The following BCL7B variants were observed in gnomAD, a reference collection of about 807,000 sequenced individuals.
BCL7B encodes B-cell CLL/lymphoma 7 protein family member B.
Under a neutral mutation model 26.5 loss-of-function variants are expected in BCL7B, and 11 were observed. The observed-to-expected ratio is 0.42, with a 90% CI of 0.26 to 0.69. BCL7B has a LOEUF of 0.69. Among genes scored for constraint, BCL7B ranks in the 30% least tolerant of loss-of-function variants. The probability of loss-of-function intolerance (pLI) is 0.28; values close to 1 mark genes in which losing one functional copy is unlikely to be tolerated. For missense variants in BCL7B, 215 were observed against 264.4 expected (o/e 0.81, Z 1.30); for synonymous variants, 111 against 107.9 (o/e 1.03, Z -0.18).
intron 2 of BCL7B, among the ~76,000 whole-genome samples, chr7:73,549,529 G>C (rs782305470): frequency 1.3e-5 from 2 of 152,164 alleles, no homozygotes; most frequent in Non-Finnish European, 2.9e-5. Flanking sequence ...AGGAAAAAGC[G>C]TGGGTACGAT....
chr7:73,552,759 C>T (rs782410002), intron 1 of BCL7B, among the ~76,000 whole-genome samples: 1 of 151,298 alleles, frequency 6.6e-6, no homozygotes, highest in Non-Finnish European at 1.5e-5. Context: ...CCAGCCTGGG[C>T]AACAGAGACC....
intron 2 of BCL7B, among the ~76,000 whole-genome samples, chr7:73,549,129 A>C (rs1583996835): frequency 6.6e-6 from 1 of 152,178 alleles, no homozygotes; most frequent in East Asian, 1.9e-4. Context: ...GTTGATGTGG[A>C]TTCTGAACAA....
intron 3 of BCL7B, among the ~76,000 whole-genome samples, chr7:73,541,465 CTTTT>C (rs781916545): frequency 1.5e-5 from 2 of 136,534 alleles, no homozygotes; most frequent in South Asian, 2.3e-4. Flanking sequence ...ATACCCAGTA[CTTTT>C]TTTTTTTTTT....
chr7:73,544,583 G>A (rs1316513692), intron 2 of BCL7B, among the ~76,000 whole-genome samples: 10 of 152,044 alleles, frequency 6.6e-5, no homozygotes, highest in Non-Finnish European at 1.5e-4. Flanking sequence ...CCAAGATTCT[G>A]CCACTTCATA....
chr7:73,557,265 C>T, intron 1 of BCL7B: 1 of 1,125,520 alleles, frequency 8.9e-7, no homozygotes, highest in Non-Finnish European at 1.1e-6. Context: ...CGGCAGCAGC[C>T]GCAGCAGGTG....
chr7:73,543,414 G>C (rs569566255), intron 3 of BCL7B, 134 bp downstream of exon 3: 508 of 757,698 alleles, frequency 6.7e-4, no homozygotes, highest in Non-Finnish European at 1.1e-3. Context: ...CTGACCTCAG[G>C]TGATCTGCCC....
intron 2 of BCL7B, among the ~76,000 whole-genome samples, chr7:73,546,893 G>A (rs1268555561): frequency 2.6e-5 from 4 of 152,206 alleles, no homozygotes; most frequent in African/African-American, 7.2e-5. Context: ...GGCCAGGCGT[G>A]GTGGCTCACG....
intron 1 of BCL7B, chr7:73,557,251 C>A: frequency 1.8e-6 from 2 of 1,107,782 alleles, no homozygotes; most frequent in Non-Finnish European, 2.2e-6. Context: ...TCCCAGGCGG[C>A]GCGCGGCAGC....
intron 3 of BCL7B, chr7:73,542,756 C>A: frequency 7.1e-6 from 2 of 280,310 alleles, no homozygotes; most frequent in South Asian, 3.1e-5. Context: ...GAAGCTTCGG[C>A]TTTGGGTAGC....
intron 1 of BCL7B, among the ~76,000 whole-genome samples, chr7:73,555,896 G>A (rs560000375): frequency 2.6e-5 from 4 of 152,024 alleles, no homozygotes; most frequent in African/African-American, 9.7e-5. Context: ...CTTTAAAAAG[G>A]TCACTCCGCT....
At position 73,539,865 on chromosome 7, in the gene BCL7B, G is replaced by C. The variant is rs375188327; in HGVS notation, c.436+17C>G. On this transcript the variant is annotated intron_variant, in intron 4 of 5. Transcript: ENST00000223368. ...AGGCCCTTCTAGGAAACTCATCCTC[G>C]GCCAACCACGACTCACCCTCCAGGA... is the stretch of plus-strand genomic sequence containing the variant. 1.9e-6 allele frequency: 3 copies of C among 1,608,082 alleles called. No homozygotes were observed. In the East Asian group the frequency reaches 6.7e-5, roughly 36 times the overall value.
intron 2 of BCL7B, among the ~76,000 whole-genome samples, chr7:73,548,669 G>T (rs1792045774): frequency 6.6e-6 from 1 of 151,908 alleles, no homozygotes; most frequent in Admixed American, 6.6e-5. Context: ...AGTGGCTCAC[G>T]CCTGTAATCC....
intron 2 of BCL7B, among the ~76,000 whole-genome samples, chr7:73,544,439 AAAATAAAT>A (rs1158145394): frequency 1.5e-4 from 22 of 151,472 alleles, no homozygotes; most frequent in South Asian, 6.2e-4. Context: ...AACAAAAAAT[AAAATAAAT>A]AAATAAATAA....
chr7:73,555,422 T>C (rs1204783377), intron 1 of BCL7B, among the ~76,000 whole-genome samples: 3 of 121,550 alleles, frequency 2.5e-5, no homozygotes, highest in Non-Finnish European at 5.4e-5. Context: ...AAATCAAATA[T>C]AGGAAATGTC....
At chr7:73,548,957 A>G (rs1222434445) in intron 2 of BCL7B, among the ~76,000 whole-genome samples, 1 of 152,166 alleles carries the variant, frequency 6.6e-6, no homozygotes, top group Non-Finnish European at 1.5e-5. Flanking sequence ...AAACAAAAAA[A>G]ACTCCAAAAA....
intron 2 of BCL7B, among the ~76,000 whole-genome samples, chr7:73,545,357 C>G (rs537441239): frequency 9.2e-5 from 14 of 151,984 alleles, no homozygotes; most frequent in Non-Finnish European, 1.9e-4. Flanking sequence ...GGACTACAGG[C>G]GCCCACTACC....
chr7:73,552,348 C>A, intron 1 of BCL7B, 106 bp from the exon 2 acceptor site: 1 of 923,666 alleles, frequency 1.1e-6, no homozygotes, highest in South Asian at 1.4e-5. Flanking sequence ...AATCTGGAAT[C>A]CTTCTGAACT....
intron 3 of BCL7B, among the ~76,000 whole-genome samples, chr7:73,541,781 T>C (rs533403764): frequency 9.8e-5 from 15 of 152,316 alleles, no homozygotes; most frequent in African/African-American, 3.4e-4. Context: ...CCAGTACTTC[T>C]TAGGAGAGGC....
chr7:73,557,383 T>G (rs1312011802), intron 1 of BCL7B, 104 bp downstream of exon 1: 18 of 851,422 alleles, frequency 2.1e-5, no homozygotes, highest in Non-Finnish European at 2.6e-5. Context: ...CGCACCCCCC[T>G]CCCCCAGCGC....
Sources: gnomAD v4.1 joint callset for allele counts (sites outside exome capture counted in the v4.1 genomes callset) on GRCh38, gnomAD v4.1.1 for gene constraint, MANE v1.5 for transcripts, NCBI Gene and HGNC (gene_info 2026-07-23, HGNC 2026-07-21) for gene names.